The following SCARB1 variants were observed in gnomAD, a reference collection of about 807,000 sequenced individuals.
The protein encoded by SCARB1 is CD36 and LIMPII analogous 1.
In SCARB1, 30 loss-of-function variants were observed where a neutral mutation model predicts 57.2. The observed-to-expected ratio is 0.52, with a 90% CI of 0.39 to 0.71. The LOEUF is 0.71. Ranked by LOEUF, SCARB1 falls within the 30% of genes least tolerant of loss-of-function variation. The pLI is 0.00. For synonymous variants in SCARB1, 249 were observed against 268.3 expected, an observed-to-expected ratio of 0.93 and a Z score of 0.70; for missense variants, 543 against 671.2, an observed-to-expected ratio of 0.81 and a Z score of 2.11.
At position 124,822,578 on chromosome 12, in the gene SCARB1, A is replaced by G. The variant is rs2135712149; in HGVS notation, c.127-4871T>C. 6.6e-6 allele frequency among the ~76,000 whole-genome samples: 1 copy of G among 152,352 alleles called. No homozygotes were observed. The highest frequency in any genetic ancestry group is 1.5e-5 in the Non-Finnish European group (1 of 68,038). The stretch of plus-strand genomic sequence containing the variant: ...TGGTTGCCATATAGGTGAAGTGTAT[A>G]CATCTGATGCAACTCATCAAATTAG... On this transcript the variant is annotated intron_variant, in intron 1 of 12. Coordinates refer to ENST00000261693, the MANE Select transcript of SCARB1 (RefSeq NM_005505.5). The surrounding 1 kb of genome is among the most constrained non-coding windows in gnomAD (Gnocchi z 5.0).
intron 1 of SCARB1, among the ~76,000 whole-genome samples, chr12:124,845,439 A>G (rs1952101404): frequency 6.6e-6 from 1 of 151,674 alleles, no homozygotes; most frequent in South Asian, 2.1e-4. Flanking sequence ...TCAGGCCTGT[A>G]ATCCCAACAC....
chr12:124,858,988 C>T (rs552025164), intron 1 of SCARB1, among the ~76,000 whole-genome samples: 1 of 152,174 alleles, frequency 6.6e-6, no homozygotes, highest in Non-Finnish European at 1.5e-5. Flanking sequence ...TATCCTCCCA[C>T]CTCAGCCTCT....
intron 9 of SCARB1, among the ~76,000 whole-genome samples, chr12:124,787,764 T>C (rs1490455918): frequency 6.6e-6 from 1 of 152,082 alleles, no homozygotes; most frequent in African/African-American, 2.4e-5. Flanking sequence ...CAGGGCTGTT[T>C]GACATCACAC....
At position 124,778,664 on chromosome 12, in the gene SCARB1, C is replaced by T. The variant is rs558057994; in HGVS notation, c.*1-78G>A. 8.4e-6 allele frequency: 11 copies of T among 1,317,138 alleles called. No individual in the cohort carries two copies. In the African/African-American group the frequency reaches 1.6e-4, roughly 19 times the overall value. The allele number at this position is 1,317,138 out of a possible 1,614,324, so 81.6% of individuals were successfully genotyped here. A position where few individuals can be genotyped will look rare whatever the true frequency, so the allele number is the denominator to read the frequency against. On this transcript the variant is annotated intron_variant, in intron 12 of 12. Coordinates refer to ENST00000261693, the MANE Select transcript of SCARB1 (RefSeq NM_005505.5). Reference sequence around the variant, plus strand: ...ACCCTCATCCCCGCCCACCACAGCCCTGTACCCACATCCCCAGCAGAGACT... The same window carrying T: ...ACCCTCATCCCCGCCCACCACAGCCTTGTACCCACATCCCCAGCAGAGACT...
intron 7 of SCARB1, among the ~76,000 whole-genome samples, chr12:124,801,193 T>G (rs527709976): frequency 9.2e-5 from 14 of 151,948 alleles, no homozygotes; most frequent in Non-Finnish European, 1.6e-4. Context: ...AGCAAGATCC[T>G]GTCTCAAAAG....
At chr12:124,837,688 A>T (rs1951742758) in intron 1 of SCARB1, among the ~76,000 whole-genome samples, 1 of 152,006 alleles carries the variant, frequency 6.6e-6, no homozygotes, top group Non-Finnish European at 1.5e-5. Flanking sequence ...GGAGTTCAAG[A>T]CGAGCCTGGG....
intron 1 of SCARB1, among the ~76,000 whole-genome samples, chr12:124,847,779 C>G (rs1348648077): frequency 6.6e-6 from 1 of 152,184 alleles, no homozygotes; most frequent in Non-Finnish European, 1.5e-5. Context: ...CTGTGACTGC[C>G]AGGCTGGGAG....
At chr12:124,798,022 G>A (rs1950003646) in intron 8 of SCARB1, among the ~76,000 whole-genome samples, 1 of 152,246 alleles carries the variant, frequency 6.6e-6, no homozygotes. Flanking sequence ...GTACGCTGTG[G>A]CCAAGATACG....
intron 1 of SCARB1, among the ~76,000 whole-genome samples, chr12:124,826,113 G>A (rs1198965442): frequency 7.2e-5 from 11 of 151,826 alleles, no homozygotes; most frequent in African/African-American, 2.7e-4. Context: ...TGGGAGGATC[G>A]CTTGAGGTCA....
In SCARB1 at chr12:124,814,899, C is replaced by A; in HGVS notation, c.426+74G>T. On this transcript the variant is annotated intron_variant, in intron 3 of 12. Coordinates refer to ENST00000261693, the MANE Select transcript of SCARB1 (RefSeq NM_005505.5). The surrounding 1 kb of genome is among the most constrained non-coding windows in gnomAD (Gnocchi z 4.7). The stretch of plus-strand genomic sequence containing the variant: ...ACCACCTCAGGGACTGCTCTCTGCA[C>A]AAGGGGCAGGCGGGAGGAGAGACAG... 1.9e-6 allele frequency: 3 copies of A among 1,598,012 alleles called. No homozygotes were observed. In the South Asian group the frequency reaches 3.3e-5, roughly 18 times the overall value.
At chr12:124,853,220 C>T (rs758386011) in intron 1 of SCARB1, among the ~76,000 whole-genome samples, 18 of 152,222 alleles carry the variant, frequency 1.2e-4, no homozygotes, top group Admixed American at 3.9e-4. Flanking sequence ...GGCCCTGAGG[C>T]AGGACAGCAT....
intron 1 of SCARB1, among the ~76,000 whole-genome samples, chr12:124,833,555 C>T (rs184787744): frequency 6.0e-4 from 91 of 152,268 alleles, no homozygotes; most frequent in Non-Finnish European, 3.7e-4. Context: ...TTCACAGGTC[C>T]TGGGGATCAG....
At chr12:124,848,106 C>T (rs972983300) in intron 1 of SCARB1, among the ~76,000 whole-genome samples, 3 of 152,212 alleles carry the variant, frequency 2.0e-5, no homozygotes, top group Admixed American at 6.5e-5. Flanking sequence ...TTTTCTGAGA[C>T]GGAGACTCAC....
rs1207092125 is a variant in SCARB1 at position 124,778,480 on chromosome 12, C to T, written c.*107G>A. 2 of 1,337,592 alleles carry T rather than the reference C, an allele frequency of 1.5e-6. No homozygotes were observed. Among genetic ancestry groups the T allele is most frequent in the Non-Finnish European group, 1.9e-6 (2 of 1,041,764 alleles). The allele number at this position is 1,337,592 out of a possible 1,614,324, so 82.9% of individuals were successfully genotyped here. A position where few individuals can be genotyped will look rare whatever the true frequency, so the allele number is the denominator to read the frequency against. On this transcript the variant is annotated 3_prime_UTR_variant, in exon 13 of 13. Coordinates refer to ENST00000261693, the MANE Select transcript of SCARB1 (RefSeq NM_005505.5). ...CAGCTGGGAGGCTCAGGCTGTGGGG[C>T]TGGGGGGCTGTCCGCTGGGAGAGTC...
chr12:124,830,417 A>C (rs1482470765), intron 1 of SCARB1, among the ~76,000 whole-genome samples: 4 of 152,242 alleles, frequency 2.6e-5, no homozygotes, highest in African/African-American at 9.6e-5. Flanking sequence ...ATAACAGCCC[A>C]AAACTGGAAA....
chr12:124,790,448 G>C (rs1949685033), intron 9 of SCARB1, among the ~76,000 whole-genome samples: 1 of 152,148 alleles, frequency 6.6e-6, no homozygotes, highest in South Asian at 2.1e-4. Context: ...AAAGTAGGCA[G>C]CTTCTAGAAG....
intron 9 of SCARB1, among the ~76,000 whole-genome samples, chr12:124,794,678 C>T (rs1247256352): frequency 1.3e-5 from 2 of 152,176 alleles, no homozygotes; most frequent in Non-Finnish European, 2.9e-5. Flanking sequence ...CGCCTGCAAT[C>T]CCAGCATGCT....
At chr12:124,841,821 G>A (rs1377020108) in intron 1 of SCARB1, among the ~76,000 whole-genome samples, 3 of 152,054 alleles carry the variant, frequency 2.0e-5, no homozygotes, top group East Asian at 1.9e-4. Flanking sequence ...CACCTGCCTC[G>A]TCCCCTTCCT....
chr12:124,782,659 C>T (rs775926042), intron 12 of SCARB1, 24 bp downstream of exon 12: 33 of 1,611,672 alleles, frequency 2.0e-5, no homozygotes, highest in Admixed American at 8.4e-5. Context: ...GGCGGGGAGG[C>T]GCACGGCATT....
Sources: allele counts gnomAD v4.1 joint callset (sites outside exome capture counted in the v4.1 genomes callset), GRCh38; gene constraint gnomAD v4.1.1; non-coding constraint Gnocchi (gnomAD v3.1); transcripts MANE v1.5; gene names NCBI Gene and HGNC (gene_info 2026-07-23, HGNC 2026-07-21).